STK31: variants seen among roughly 807,000 people sequenced by gnomAD.
STK31 encodes the protein serine/threonine-protein kinase 31.
STK31 carries 89 observed loss-of-function variants against 129.7 expected under a neutral mutation model. The ratio of observed to expected loss-of-function variants is 0.69; its 90% CI spans 0.58 to 0.82. STK31 has a LOEUF of 0.82. Ranked by LOEUF, STK31 falls within the 40% of genes least tolerant of loss-of-function variation. The probability of loss-of-function intolerance (pLI) is 0.00; values close to 1 mark genes in which losing one functional copy is unlikely to be tolerated. For synonymous variants in STK31, 448 were observed against 395.3 expected (o/e 1.13, Z -1.58); for missense variants, 1,187 against 1,176.4 (o/e 1.01, Z -0.13).
intron 10 of STK31, among the ~76,000 whole-genome samples, chr7:23,757,897 G>T (rs1489808557): frequency 2.6e-5 from 4 of 152,284 alleles, no homozygotes; most frequent in Middle Eastern, 3.4e-3. Flanking sequence ...AGTGTTTTGT[G>T]TCCGTGGGTA....
At chr7:23,769,199 T>G (rs766907375) in intron 12 of STK31, 25 bp downstream of exon 12, 3 of 1,512,230 alleles carry the variant, frequency 2.0e-6, no homozygotes, top group Non-Finnish European at 2.6e-6. Context: ...TGCCCGGTTG[T>G]GTTTGTAGCA....
At chr7:23,788,240 G>T in intron 21 of STK31, 111 bp downstream of exon 21, 1 of 948,618 alleles carries the variant, frequency 1.1e-6, no homozygotes, top group Non-Finnish European at 1.4e-6. Context: ...TTTGTCTTCA[G>T]TTAAACTGTG....
intron 8 of STK31, among the ~76,000 whole-genome samples, chr7:23,751,133 T>C (rs1345620647): frequency 1.3e-5 from 2 of 152,196 alleles, no homozygotes; most frequent in African/African-American, 4.8e-5. Flanking sequence ...AATATTTTCT[T>C]TCTGTGCCTG....
At chr7:23,720,255 C>G (rs1410543941) in intron 4 of STK31, among the ~76,000 whole-genome samples, 3 of 152,112 alleles carry the variant, frequency 2.0e-5, no homozygotes. Context: ...ATTTTGAAAA[C>G]AAACAATTTC....
chr7:23,712,355 A>C, intron 3 of STK31, 69 bp downstream of exon 3: 1 of 1,418,828 alleles, frequency 7.0e-7, no homozygotes, highest in Non-Finnish European at 9.9e-7. Flanking sequence ...CAAAAACAAA[A>C]ATAAAACCCA....
intron 11 of STK31, among the ~76,000 whole-genome samples, chr7:23,766,064 A>G (rs1789806311): frequency 6.6e-6 from 1 of 152,110 alleles, no homozygotes; most frequent in Admixed American, 6.5e-5. Flanking sequence ...CTTTCTCTGT[A>G]TATTGGAATA....
intron 8 of STK31, among the ~76,000 whole-genome samples, chr7:23,742,123 T>C (rs1260529591): frequency 6.6e-6 from 1 of 152,154 alleles, no homozygotes; most frequent in Non-Finnish European, 1.5e-5. Context: ...GGTCCTTTGC[T>C]GGGCAGTGAC....
intron 23 of STK31, among the ~76,000 whole-genome samples, chr7:23,826,613 T>A (rs1360123405): frequency 2.6e-5 from 4 of 152,210 alleles, no homozygotes; most frequent in Admixed American, 1.3e-4. Context: ...AGATTAATAT[T>A]GTTATGTGTG....
chr7:23,769,254 G>T, intron 12 of STK31, 80 bp downstream of exon 12: 1 of 1,310,088 alleles, frequency 7.6e-7, no homozygotes, highest in Non-Finnish European at 1.0e-6. Context: ...CTTTGTTCAA[G>T]AGCTGACATC....
At chr7:23,805,071 C>T (rs1792614985) in intron 22 of STK31, among the ~76,000 whole-genome samples, 1 of 143,364 alleles carries the variant, frequency 7.0e-6, no homozygotes, top group Non-Finnish European at 1.5e-5. Flanking sequence ...TTTCTCATTT[C>T]TCTCTCTCTC....
intron 23 of STK31, among the ~76,000 whole-genome samples, chr7:23,818,829 T>G (rs984579109): frequency 6.6e-6 from 1 of 152,136 alleles, no homozygotes; most frequent in Non-Finnish European, 1.5e-5. Context: ...TTTGCCATTT[T>G]GGCCAGGTTG....
chr7:23,730,870 A>ATTTTTTTTTTTTTTTTTTTTTTTTTTTT (rs1263694532), intron 6 of STK31, among the ~76,000 whole-genome samples: 1 of 45,302 alleles, frequency 2.2e-5, no homozygotes, highest in Admixed American at 3.7e-4. Context: ...ATATATATAT[A>ATTTTTTTTTTTTTTTTTTTTTTTTTTTT]TATATATATT....
chr7:23,832,434 T>G lies in STK31; in HGVS notation c.*68T>G. The G allele has an allele frequency of 8.8e-7, 1 of 1,141,356 alleles. No homozygotes were observed. Among genetic ancestry groups the G allele is most frequent in the Non-Finnish European group, 1.3e-6 (1 of 787,582 alleles). 70.7% of individuals were successfully genotyped at this position (1,141,356 alleles called of 1,614,324 possible). ...GGTTTGGTTAATACACAGAAATATC[T>G]AGAAATGTTCTGGGACTAGTTGAGT... On this transcript the variant is annotated 3_prime_UTR_variant, in exon 24 of 24. Coordinates refer to ENST00000355870, the MANE Select transcript of STK31 (RefSeq NM_031414.5).
intron 21 of STK31, among the ~76,000 whole-genome samples, chr7:23,788,926 A>C (rs912649212): frequency 3.3e-5 from 5 of 152,138 alleles, no homozygotes; most frequent in Admixed American, 3.3e-4. Flanking sequence ...TAACATTCCC[A>C]AAAAGAAAAT....
At chr7:23,802,345 G>A (rs114335030) in intron 22 of STK31, among the ~76,000 whole-genome samples, 654 of 152,294 alleles carry the variant, frequency 4.3e-3, no homozygotes, top group African/African-American at 0.013. Flanking sequence ...ACGACCTCCC[G>A]CTGTGCGGTC....
chr7:23,747,089 G>T (rs1788401306), intron 8 of STK31, among the ~76,000 whole-genome samples: 1 of 151,626 alleles, frequency 6.6e-6, no homozygotes, highest in Non-Finnish European at 1.5e-5. Context: ...TTTTTTGGAG[G>T]GTTTTTACAT....
chr7:23,832,013 C>T (rs533304560), intron 23 of STK31, 123 bp from the exon 24 acceptor site: 43 of 661,352 alleles, frequency 6.5e-5, no homozygotes, highest in African/African-American at 4.2e-4. Context: ...CCAGATACCT[C>T]GTCAGTCATC....
chr7:23,816,271 C>T (rs1026933317), intron 23 of STK31, among the ~76,000 whole-genome samples: 6 of 152,068 alleles, frequency 3.9e-5, no homozygotes, highest in Non-Finnish European at 5.9e-5. Context: ...AAATTTATTG[C>T]TATTAGATAG....
intron 4 of STK31, among the ~76,000 whole-genome samples, chr7:23,723,584 G>A (rs545376629): frequency 6.6e-6 from 1 of 152,238 alleles, no homozygotes; most frequent in South Asian, 2.1e-4. Context: ...AGCTACTTCT[G>A]ATTGTTCATA....
Sources: gnomAD v4.1 joint callset for allele counts (sites outside exome capture counted in the v4.1 genomes callset) on GRCh38, gnomAD v4.1.1 for gene constraint, MANE v1.5 for transcripts, NCBI Gene and HGNC (gene_info 2026-07-23, HGNC 2026-07-21) for gene names.